CD82: variants seen among roughly 807,000 people sequenced by gnomAD.
The protein encoded by CD82 is CD82 antigen.
In CD82, 36 loss-of-function variants were observed where a neutral mutation model predicts 37.4. The ratio of observed to expected loss-of-function variants is 0.96; its 90% CI spans 0.74 to 1.27. The LOEUF is 1.27. Among genes scored for constraint, CD82 ranks in the 50% most tolerant of loss-of-function variants. The pLI is 0.00. For synonymous variants in CD82, 158 were observed against 137.4 expected (o/e 1.15, Z -1.05); for missense variants, 340 against 347.0 (o/e 0.98, Z 0.16).
rs1025560932 is a variant in CD82 at position 44,617,330 on chromosome 11, G to A, written c.439-832G>A. ...TCCCAGCACTTTGGGAGGCCGAGGC[G>A]GGCGGATCACTTGAGGTCAGGAGGT... On this transcript the variant is annotated intron_variant, in intron 7 of 9. Transcript: ENST00000227155. 2.6e-5 allele frequency among the ~76,000 whole-genome samples: 4 copies of A among 152,198 alleles called. No homozygotes were observed. The South Asian group carries it at 8.3e-4, about 32-fold the overall frequency.
intron 6 of CD82, among the ~76,000 whole-genome samples, chr11:44,613,872 G>T (rs1185132426): frequency 6.6e-6 from 1 of 151,776 alleles, no homozygotes; most frequent in Non-Finnish European, 1.5e-5. Context: ...TGTTTTTGGA[G>T]CTCTGGGGCA....
intron 2 of CD82, among the ~76,000 whole-genome samples, chr11:44,593,958 C>T (rs1853182429): frequency 6.6e-6 from 1 of 150,848 alleles, no homozygotes; most frequent in Admixed American, 6.6e-5. Flanking sequence ...AAACACTATA[C>T]AGAATGAGCC....
chr11:44,615,388 G>A lies in CD82; in HGVS notation c.438+15G>A. ...TGCAGGCTCAGGTGAGGTGGGGCGG[G>A]GCTGCAGGAGGCTCTCTGGCCTGGG... is the stretch of plus-strand genomic sequence containing the variant. On this transcript the variant is annotated intron_variant, in intron 7 of 9. Coordinates refer to ENST00000227155, the MANE Select transcript of CD82 (RefSeq NM_002231.4). 2 of 1,516,524 alleles carry A rather than the reference G, an allele frequency of 1.3e-6. No homozygotes were observed. Among genetic ancestry groups the A allele is most frequent in the Non-Finnish European group, 1.8e-6 (2 of 1,091,270 alleles). 93.9% of individuals were successfully genotyped at this position (1,516,524 alleles called of 1,614,324 possible).
intron 6 of CD82, among the ~76,000 whole-genome samples, chr11:44,608,826 A>G (rs570322959): frequency 7.1e-4 from 108 of 152,314 alleles, no homozygotes; most frequent in African/African-American, 2.5e-3. Flanking sequence ...CTGTCCCTCC[A>G]GGCCCTTTCT....
At chr11:44,565,817 C>T (rs1852725059) in intron 1 of CD82, 81 bp downstream of exon 1, 1 of 152,260 alleles carries the variant, frequency 6.6e-6, no homozygotes, top group Admixed American at 6.5e-5. Context: ...TTCTGCGGTC[C>T]GGCTCGGACA....
In CD82 at chr11:44,611,113, G is replaced by A. The variant is rs150915020; in HGVS notation, c.337-4159G>A. The stretch of plus-strand genomic sequence containing the variant: ...GCCTCCCAAAGTGTTGGGATTACAC[G>A]TGTGAGCCACCACGCCCAGCTGAAA... On this transcript the variant is annotated intron_variant, in intron 6 of 9. Transcript: ENST00000227155. Among the ~76,000 whole-genome samples the A allele has an allele frequency of 4.8e-3, 729 of 152,308 alleles. 12 individuals carry two copies. The highest frequency in any genetic ancestry group is 7.1e-3 in the Non-Finnish European group (483 of 68,032).
chr11:44,571,109 G>A (rs1236543407), intron 1 of CD82, among the ~76,000 whole-genome samples: 1 of 152,210 alleles, frequency 6.6e-6, no homozygotes, highest in East Asian at 1.9e-4. Context: ...TTGGCTCTCA[G>A]TGTCAATGTG....
Position 44,595,929 on chromosome 11 carries a change from A to AG in CD82, c.63+1204_63+1205insG, listed in dbSNP as rs1246439752. Among the ~76,000 whole-genome samples the AG allele has an allele frequency of 6.0e-4, 91 of 150,652 alleles. 1 individual carries two copies. The highest frequency in any genetic ancestry group is 3.7e-3 in the Admixed American group (56 of 15,118). Reference sequence around the variant, plus strand: ...TCTACAAAAAAAAAAAAAAAAAAAAAAAGAATTTTAAAAATTCCCCCTTCA... The same window carrying AG: ...TCTACAAAAAAAAAAAAAAAAAAAAAGAAGAATTTTAAAAATTCCCCCTTCA... On this transcript the variant is annotated intron_variant, in intron 3 of 9. Coordinates refer to ENST00000227155, the MANE Select transcript of CD82 (RefSeq NM_002231.4).
At chr11:44,611,337 G>A (rs1402533240) in intron 6 of CD82, among the ~76,000 whole-genome samples, 1 of 152,184 alleles carries the variant, frequency 6.6e-6, no homozygotes, top group Non-Finnish European at 1.5e-5. Flanking sequence ...CTCCTCTGTT[G>A]GCTCCCTTCT....
At position 44,619,138 on chromosome 11, in the gene CD82, T is replaced by C. The variant is rs376795165; in HGVS notation, c.*12T>C. 85 of 1,607,258 alleles carry C rather than the reference T, an allele frequency of 5.3e-5. No homozygotes were observed. The African/African-American group carries it at 9.6e-4, about 18-fold the overall frequency. On this transcript the variant is annotated 3_prime_UTR_variant, in exon 10 of 10. Transcript: ENST00000227155. ...TCCCCAAGTACTGAGGCAGCTGCTA[T>C]CCCCATCTCCCTGCCTGGCCCCCAA...
chr11:44,582,490 C>A (rs744631), intron 1 of CD82, among the ~76,000 whole-genome samples: 2 of 152,034 alleles, frequency 1.3e-5, no homozygotes, highest in South Asian at 2.1e-4. Flanking sequence ...TTGGAGGGTC[C>A]TAGATAGTCT....
At chr11:44,614,563 G>C (rs1408291052) in intron 6 of CD82, among the ~76,000 whole-genome samples, 1 of 152,236 alleles carries the variant, frequency 6.6e-6, no homozygotes, top group Non-Finnish European at 1.5e-5. Context: ...TGCTAGTGGA[G>C]AGAGATGATA....
chr11:44,579,616 C>CAGGGAGCCCTGGGG (rs1852951697), intron 1 of CD82, among the ~76,000 whole-genome samples: 1 of 152,154 alleles, frequency 6.6e-6, no homozygotes, highest in East Asian at 1.9e-4. Context: ...AGGAGAGGCC[C>CAGGGAGCCCTGGGG]AGGGAGCCCT....
In CD82 at chr11:44,619,051, C is replaced by T; in HGVS notation, c.729C>T (p.Leu243=). ...TGACTCTCCGCCTCTCCCCACAGCT[C>T]CTGGGGATGGTCCTGTCCATCTGCT... ...GVGVGVAIIE[L]LGMVLSICLC... Residue 243 remains leucine, a splice_region_variant and synonymous_variant, in exon 10 of 10, where the codon CTC becomes CTT. Transcript: ENST00000227155. 1 of 1,612,154 alleles carries T rather than the reference C, an allele frequency of 6.2e-7. No individual in the cohort carries two copies. The highest frequency in any genetic ancestry group is 2.2e-5 in the East Asian group (1 of 44,732).
At chr11:44,608,368 A>G (rs1409138655) in intron 6 of CD82, among the ~76,000 whole-genome samples, 1 of 151,984 alleles carries the variant, frequency 6.6e-6, no homozygotes, top group African/African-American at 2.4e-5. Context: ...GAGGTTGGGG[A>G]CCTTGGCATG....
At chr11:44,605,563 G>A in intron 6 of CD82, 134 bp downstream of exon 6, 1 of 766,222 alleles carries the variant, frequency 1.3e-6, no homozygotes, top group Admixed American at 2.2e-5. Flanking sequence ...CGGCCTCCTG[G>A]ACACTATTCC....
At chr11:44,567,006 T>C (rs373254272) in intron 1 of CD82, among the ~76,000 whole-genome samples, 35 of 152,212 alleles carry the variant, frequency 2.3e-4, no homozygotes, top group African/African-American at 8.4e-4. Context: ...ACCTACTATA[T>C]GCTAGAGAGA....
chr11:44,612,623 ATTTTTT>A (rs34301171), intron 6 of CD82, among the ~76,000 whole-genome samples: 6 of 63,076 alleles, frequency 9.5e-5, no homozygotes, highest in Admixed American at 2.6e-4. Flanking sequence ...CCCAGCATTA[ATTTTTT>A]TTTTTTTTTT....
intron 2 of CD82, among the ~76,000 whole-genome samples, chr11:44,588,214 TTTTTTG>T: frequency 1.7e-5 from 1 of 59,916 alleles, no homozygotes; most frequent in Non-Finnish European, 3.6e-5. Flanking sequence ...TTGGGGTTTT[TTTTTTG>T]TTTTTTGTTT....
Sources: allele counts gnomAD v4.1 joint callset (sites outside exome capture counted in the v4.1 genomes callset), GRCh38; gene constraint gnomAD v4.1.1; transcripts MANE v1.5; gene names NCBI Gene and HGNC (gene_info 2026-07-23, HGNC 2026-07-21).